The following CLEC16A variants were observed in gnomAD, a reference collection of about 807,000 sequenced individuals.
CLEC16A encodes the protein C-type lectin domain containing 16A.
A neutral mutation model predicts 109.5 loss-of-function variants in CLEC16A; 51 were observed. That is an observed-to-expected ratio of 0.47 (90% CI 0.37 to 0.59). The LOEUF is 0.59. Ranked by LOEUF, CLEC16A falls within the 20% of genes least tolerant of loss-of-function variation. CLEC16A has a pLI of 0.00. For synonymous variants in CLEC16A, 673 were observed against 564.2 expected (o/e 1.19, Z -2.73); for missense variants, 1,339 against 1,394.0 (o/e 0.96, Z 0.63).
intron 23 of CLEC16A, among the ~76,000 whole-genome samples, chr16:11,170,301 C>G (rs943499835): frequency 3.3e-5 from 5 of 152,188 alleles, no homozygotes; most frequent in Admixed American, 6.5e-5. Flanking sequence ...GTGTGAACCC[C>G]TGGGGGAGGA....
At chr16:11,037,460 G>T (rs987265101) in intron 13 of CLEC16A, among the ~76,000 whole-genome samples, 1 of 152,164 alleles carries the variant, frequency 6.6e-6, no homozygotes, top group African/African-American at 2.4e-5. Flanking sequence ...TTCCCTTCAC[G>T]GAGAGTTGAG....
intron 9 of CLEC16A, among the ~76,000 whole-genome samples, chr16:10,981,513 T>C (rs982392298): frequency 1.3e-5 from 2 of 152,262 alleles, no homozygotes; most frequent in African/African-American, 4.8e-5. Flanking sequence ...ATTTGAATTC[T>C]ATGTATTTGT....
chr16:11,135,857 C>T (rs1225032483), intron 22 of CLEC16A, among the ~76,000 whole-genome samples: 4 of 152,382 alleles, frequency 2.6e-5, no homozygotes, highest in East Asian at 1.9e-4. Flanking sequence ...CTCACCAGCA[C>T]GGGCCTGGCC....
rs567199443 is a variant in CLEC16A at position 11,174,341 on chromosome 16, C to T, written c.2807-3994C>T. On this transcript the variant is annotated intron_variant, in intron 23 of 23. Coordinates refer to ENST00000409790, the MANE Select transcript of CLEC16A (RefSeq NM_015226.3). The surrounding 1 kb of genome is among the most constrained non-coding windows in gnomAD (Gnocchi z 4.7). ...ACTCGCCACGCTGCATTTCCACAGT[C>T]GGCAGGGTCCGCGCTGGCAAGGTGG... 17 of 414,886 alleles carry T rather than the reference C, an allele frequency of 4.1e-5. No individual in the cohort carries two copies. The highest frequency in any genetic ancestry group is 2.3e-4 in the South Asian group (14 of 60,248). The allele number at this position is 414,886 out of a possible 1,614,324, so 25.7% of individuals were successfully genotyped here. A position where few individuals can be genotyped will look rare whatever the true frequency, so the allele number is the denominator to read the frequency against.
intron 13 of CLEC16A, among the ~76,000 whole-genome samples, chr16:11,035,748 T>C (rs554827872): frequency 6.6e-5 from 10 of 152,376 alleles, no homozygotes; most frequent in African/African-American, 2.4e-4. Flanking sequence ...CTTAGCAGAA[T>C]CCTCTCCTCC....
At chr16:10,995,076 A>G (rs2044249671) in intron 10 of CLEC16A, among the ~76,000 whole-genome samples, 1 of 152,244 alleles carries the variant, frequency 6.6e-6, no homozygotes, top group South Asian at 2.1e-4. Flanking sequence ...TATTTGTAGG[A>G]TAAAGCAAGA....
chr16:11,075,755 AG>A (rs2049334306), intron 19 of CLEC16A, among the ~76,000 whole-genome samples: 1 of 151,990 alleles, frequency 6.6e-6, no homozygotes, highest in Non-Finnish European at 1.5e-5. Context: ...TTTTTTGACC[AG>A]GGGGAGGATG....
At chr16:11,148,659 G>A (rs921797093) in intron 22 of CLEC16A, among the ~76,000 whole-genome samples, 3 of 152,240 alleles carry the variant, frequency 2.0e-5, no homozygotes, top group Middle Eastern at 6.8e-3. Context: ...TATATTATGC[G>A]CCTCCGTTTC....
At chr16:11,022,834 G>C (rs927886152) in intron 12 of CLEC16A, among the ~76,000 whole-genome samples, 10 of 150,766 alleles carry the variant, frequency 6.6e-5, no homozygotes, top group African/African-American at 2.2e-4. Flanking sequence ...GGGAGGCAGA[G>C]CTTGCAGTGA....
At chr16:11,068,248 G>C (rs746325429) in intron 19 of CLEC16A, among the ~76,000 whole-genome samples, 9 of 152,196 alleles carry the variant, frequency 5.9e-5, no homozygotes, top group Non-Finnish European at 1.2e-4. Context: ...CAATAAGGTG[G>C]ATATAGAGGT....
At chr16:10,946,108 C>T (rs1252234546) in intron 1 of CLEC16A, among the ~76,000 whole-genome samples, 1 of 151,902 alleles carries the variant, frequency 6.6e-6, no homozygotes, top group Admixed American at 6.6e-5. Flanking sequence ...AGGGAAATGG[C>T]GGGGATGCTG....
In CLEC16A at chr16:11,044,186, A is replaced by G. The variant is rs973899947; in HGVS notation, c.1815+114A>G. 5 of 831,620 alleles carry G rather than the reference A, an allele frequency of 6.0e-6. No individual in the cohort carries two copies. The African/African-American group carries it at 7.0e-5, about 12-fold the overall frequency. 51.5% of individuals were successfully genotyped at this position (831,620 alleles called of 1,614,324 possible). A position where few individuals can be genotyped will look rare whatever the true frequency, so the allele number is the denominator to read the frequency against. Reference sequence around the variant, plus strand: ...ATGTCTTCAGTTATTTTTTATGCCTATAATTACTGAATAAAAATGCTCAAT... The same window carrying G: ...ATGTCTTCAGTTATTTTTTATGCCTGTAATTACTGAATAAAAATGCTCAAT... On this transcript the variant is annotated intron_variant, in intron 16 of 23. Coordinates refer to ENST00000409790, the MANE Select transcript of CLEC16A (RefSeq NM_015226.3).
At chr16:11,038,040 G>A (rs545682144) in intron 13 of CLEC16A, among the ~76,000 whole-genome samples, 14 of 152,138 alleles carry the variant, frequency 9.2e-5, no homozygotes, top group East Asian at 1.9e-4. Flanking sequence ...TTTGTGGGGC[G>A]TTTTGGGGCA....
rs1004781418 is a variant in CLEC16A at position 11,137,469 on chromosome 16, A to G, written c.2641+11323A>G. On this transcript the variant is annotated intron_variant, in intron 22 of 23. Transcript: ENST00000409790. ...TGCCTTTGGGATCCAAGAAAATGAA[A>G]TGCCAGCTGGGCGTGGTGGCTCACA... is the stretch of plus-strand genomic sequence containing the variant. 5.3e-5 allele frequency among the ~76,000 whole-genome samples: 8 copies of G among 152,014 alleles called. No homozygotes were observed. The East Asian group carries it at 1.5e-3, about 29-fold the overall frequency.
intron 19 of CLEC16A, among the ~76,000 whole-genome samples, chr16:11,115,918 T>C (rs1700701581): frequency 6.6e-6 from 1 of 151,536 alleles, no homozygotes; most frequent in Admixed American, 6.6e-5. Context: ...GGTCTCACTA[T>C]GTTGCCCAGG....
At chr16:11,092,364 AC>A (rs1182438726) in intron 19 of CLEC16A, among the ~76,000 whole-genome samples, 1 of 38,528 alleles carries the variant, frequency 2.6e-5, no homozygotes, top group African/African-American at 1.5e-4. Context: ...AAAAACAAAC[AC>A]ACACACACAC....
intron 19 of CLEC16A, among the ~76,000 whole-genome samples, chr16:11,114,636 T>C (rs750454321): frequency 1.4e-4 from 21 of 152,152 alleles, no homozygotes; most frequent in Non-Finnish European, 2.9e-4. Context: ...CTCTCCTGGA[T>C]TTCTCCTCAA....
intron 19 of CLEC16A, among the ~76,000 whole-genome samples, chr16:11,106,392 G>A (rs540722668): frequency 6.6e-6 from 1 of 151,656 alleles, no homozygotes; most frequent in Non-Finnish European, 1.5e-5. Context: ...GGGCCCGAGT[G>A]AGCTTCCCAC....
chr16:10,996,240 C>G (rs2044320370), intron 10 of CLEC16A, among the ~76,000 whole-genome samples: 1 of 152,212 alleles, frequency 6.6e-6, no homozygotes, highest in Admixed American at 6.5e-5. Context: ...CTGAAGAACC[C>G]CTTTGTGAGC....
Sources: allele counts gnomAD v4.1 joint callset (sites outside exome capture counted in the v4.1 genomes callset), GRCh38; gene constraint gnomAD v4.1.1; non-coding constraint Gnocchi (gnomAD v3.1); transcripts MANE v1.5; gene names NCBI Gene and HGNC (gene_info 2026-07-23, HGNC 2026-07-21).